VPS26A: variants seen among roughly 807,000 people sequenced by gnomAD.
VPS26A encodes the protein vacuolar protein sorting-associated protein 26A.
A neutral mutation model predicts 42.4 loss-of-function variants in VPS26A; 22 were observed. The ratio of observed to expected loss-of-function variants is 0.52; its 90% CI spans 0.37 to 0.74. VPS26A has a LOEUF of 0.74. Among genes scored for constraint, VPS26A ranks in the 30% least tolerant of loss-of-function variants. The pLI, the probability that VPS26A is intolerant of heterozygous loss-of-function variation, is 0.00. For synonymous variants in VPS26A, 110 were observed against 123.5 expected (o/e 0.89, Z 0.73); for missense variants, 276 against 379.2 (o/e 0.73, Z 2.26).
At chr10:69,161,725 T>C in intron 5 of VPS26A, 1 of 393,292 alleles carries the variant, frequency 2.5e-6, no homozygotes, top group Non-Finnish European at 5.1e-6. Context: ...CAACTTAACA[T>C]ACATGGGCTC....
intron 5 of VPS26A, among the ~76,000 whole-genome samples, chr10:69,159,944 A>G (rs1841515288): frequency 6.6e-6 from 1 of 151,920 alleles, no homozygotes. Context: ...TGTGCCCTGT[A>G]TTATCCCTTT....
intron 2 of VPS26A, among the ~76,000 whole-genome samples, chr10:69,136,549 G>T (rs1268678195): frequency 6.6e-6 from 1 of 151,956 alleles, no homozygotes; most frequent in Admixed American, 6.5e-5. Context: ...GATTACAGGC[G>T]TGAGCTACCA....
intron 2 of VPS26A, among the ~76,000 whole-genome samples, chr10:69,140,969 C>T (rs1192735077): frequency 2.6e-5 from 4 of 152,138 alleles, no homozygotes; most frequent in South Asian, 2.1e-4. Flanking sequence ...TTTGTCCCTA[C>T]GCATTATGTT....
At chr10:69,168,658 T>C (rs763072982) in intron 8 of VPS26A, 27 bp downstream of exon 8, 2 of 1,607,790 alleles carry the variant, frequency 1.2e-6, no homozygotes, top group South Asian at 2.2e-5. Flanking sequence ...GCTGGTATTA[T>C]GTTCTGCGGC....
chr10:69,173,446 A>G lies in VPS26A; in HGVS notation c.*2177A>G, dbSNP rs539495243. Among the ~76,000 whole-genome samples, 1 of 151,510 alleles carries G rather than the reference A, an allele frequency of 6.6e-6. No homozygotes were observed. Among genetic ancestry groups the G allele is most frequent in the South Asian group, 2.1e-4 (1 of 4,798 alleles). ...GACCAGCCTGGCCAACAAAAATGAG[A>G]CCCTATCTCTACAAAAAAATTAACA... On this transcript the variant is annotated 3_prime_UTR_variant, in exon 9 of 9. Coordinates refer to ENST00000263559, the MANE Select transcript of VPS26A (RefSeq NM_004896.5).
chr10:69,148,848 C>T (rs1436329097), intron 2 of VPS26A, among the ~76,000 whole-genome samples: 1 of 151,592 alleles, frequency 6.6e-6, no homozygotes, highest in Non-Finnish European at 1.5e-5. Flanking sequence ...CTCTGCCTCC[C>T]AGGTTCACTC....
Position 69,164,045 on chromosome 10 carries a change from G to A in VPS26A, c.658+1533G>A, listed in dbSNP as rs193242829. The stretch of plus-strand genomic sequence containing the variant: ...GCCTCCCAAAGTGCTGGGATTACAA[G>A]CGTGAGCCACCGCGCCCGGCCTAAT... On this transcript the variant is annotated intron_variant, in intron 6 of 8. Transcript: ENST00000263559. 2.6e-5 allele frequency among the ~76,000 whole-genome samples: 4 copies of A among 152,224 alleles called. No individual in the cohort carries two copies. In the East Asian group the frequency reaches 7.7e-4, roughly 29 times the overall value.
At position 69,127,727 on chromosome 10, in the gene VPS26A, C is replaced by CTT. The variant is rs572346560; in HGVS notation, c.3+3470_3+3471dup. On this transcript the variant is annotated intron_variant, in intron 1 of 8. Coordinates refer to ENST00000263559, the MANE Select transcript of VPS26A (RefSeq NM_004896.5). ...GTGTTTTGATTGTATTTAAAAATAT[C>CTT]TTTTTTTTTTTTTTTTTTTTTTTTG... 9.7e-3 allele frequency among the ~76,000 whole-genome samples: 821 copies of CTT among 85,026 alleles called. 24 individuals are homozygous for CTT. The highest frequency in any genetic ancestry group is 0.022 in the African/African-American group (460 of 20,894). 55.8% of individuals were successfully genotyped at this position (85,026 alleles called of 152,430 possible). A position where few individuals can be genotyped will look rare whatever the true frequency, so the allele number is the denominator to read the frequency against.
chr10:69,134,229 C>T (rs1016230028), intron 2 of VPS26A, among the ~76,000 whole-genome samples: 2 of 152,132 alleles, frequency 1.3e-5, no homozygotes, highest in Non-Finnish European at 2.9e-5. Context: ...TGTGCTTCCT[C>T]TAATCTCCGC....
chr10:69,158,825 G>A (rs916675664), intron 5 of VPS26A, among the ~76,000 whole-genome samples: 7 of 151,758 alleles, frequency 4.6e-5, no homozygotes, highest in Non-Finnish European at 7.4e-5. Flanking sequence ...ACTCCCCATA[G>A]GTTATATTGA....
intron 2 of VPS26A, among the ~76,000 whole-genome samples, chr10:69,146,803 A>C (rs1045442917): frequency 6.6e-6 from 1 of 152,204 alleles, no homozygotes; most frequent in African/African-American, 2.4e-5. Flanking sequence ...GTGTGGTATA[A>C]GGATATACCA....
rs71035063 is a variant in VPS26A at position 69,151,282 on chromosome 10, A to AAAAACAAAAAACAAAAAACACAC, written c.154-4529_154-4528insAAACAAAAAACAAAAAACACACA. Among the ~76,000 whole-genome samples, 17 of 136,820 alleles carry AAAAACAAAAAACAAAAAACACAC rather than the reference A, an allele frequency of 1.2e-4. 2 individuals carry two copies. The highest frequency in any genetic ancestry group is 5.3e-4 in the African/African-American group (16 of 30,144). 89.8% of individuals were successfully genotyped at this position (136,820 alleles called of 152,430 possible). A position where few individuals can be genotyped will look rare whatever the true frequency, so the allele number is the denominator to read the frequency against. ...TCCATGTCAAAAAAAAAAAAAAAAAAACACACACACACACACAATTAGCCG... is the reference window on the plus strand; with the variant it reads ...TCCATGTCAAAAAAAAAAAAAAAAAAAAAACAAAAAACAAAAAACACACACACACACACACACACAATTAGCCG... On this transcript the variant is annotated intron_variant, in intron 2 of 8. Coordinates refer to ENST00000263559, the MANE Select transcript of VPS26A (RefSeq NM_004896.5).
rs540508072 is a variant in VPS26A, at chr10:69,124,211, G to T, written c.-67G>T. On this transcript the variant is annotated 5_prime_UTR_variant, in exon 1 of 9. Transcript: ENST00000263559. ...GTGACGGAGCGCCGGAGCGGAGGGA[G>T]CCGGGGCTGGGAGTTCTCCTGAGGG... is the stretch of plus-strand genomic sequence containing the variant. The T allele has an allele frequency of 7.1e-6, 9 of 1,269,532 alleles. No homozygotes were observed. Among genetic ancestry groups the T allele is most frequent in the East Asian group, 6.1e-5 (2 of 33,018 alleles). The allele number at this position is 1,269,532 out of a possible 1,614,324, so 78.6% of individuals were successfully genotyped here.
intron 1 of VPS26A, among the ~76,000 whole-genome samples, chr10:69,124,967 T>G (rs1284375132): frequency 6.6e-6 from 1 of 152,208 alleles, no homozygotes; most frequent in Non-Finnish European, 1.5e-5. Flanking sequence ...AAACGGCCTA[T>G]GAGGCAGAGG....
intron 7 of VPS26A, among the ~76,000 whole-genome samples, chr10:69,166,440 G>C (rs1841689051): frequency 6.6e-6 from 1 of 152,092 alleles, no homozygotes; most frequent in African/African-American, 2.4e-5. Context: ...ACCACAAAAT[G>C]GAGTATGGCT....
chr10:69,127,727 CTTTTT>C (rs572346560), intron 1 of VPS26A, among the ~76,000 whole-genome samples: 4 of 85,064 alleles, frequency 4.7e-5, no homozygotes, highest in African/African-American at 1.4e-4. Context: ...TTAAAAATAT[CTTTTT>C]TTTTTTTTTT....
At chr10:69,151,874 C>A (rs1841321419) in intron 2 of VPS26A, among the ~76,000 whole-genome samples, 1 of 152,150 alleles carries the variant, frequency 6.6e-6, no homozygotes, top group African/African-American at 2.4e-5. Context: ...CAAATTACTG[C>A]ATGGCTTTTG....
At chr10:69,162,561 T>C (rs1393972212) in intron 6 of VPS26A, 49 bp downstream of exon 6, 3 of 1,214,230 alleles carry the variant, frequency 2.5e-6, no homozygotes, top group Non-Finnish European at 3.4e-6. Flanking sequence ...TTAGTTGACA[T>C]TTTTAAAATC....
At chr10:69,124,378 C>T (rs1840601160) in intron 1 of VPS26A, 98 bp downstream of exon 1, 1 of 1,183,080 alleles carries the variant, frequency 8.5e-7, no homozygotes, top group South Asian at 4.3e-5. Context: ...GAGGAGGGGA[C>T]GGGGGAGCAG....
Sources: allele counts gnomAD v4.1 joint callset (sites outside exome capture counted in the v4.1 genomes callset), GRCh38; gene constraint gnomAD v4.1.1; transcripts MANE v1.5; gene names NCBI Gene and HGNC (gene_info 2026-07-23, HGNC 2026-07-21).